Variants in CCNY observed in about 807,000 individuals in gnomAD.
The protein encoded by CCNY is cyclin Y, also known as cyclin-Y.
CCNY carries 19 observed loss-of-function variants against 42.8 expected under a neutral mutation model. That is an observed-to-expected ratio of 0.44 (90% CI 0.31 to 0.65). The LOEUF (loss-of-function observed/expected upper bound fraction) is 0.65. Ranked by LOEUF, CCNY falls within the 30% of genes least tolerant of loss-of-function variation. CCNY has a pLI of 0.07. For missense variants in CCNY, 370 were observed against 437.3 expected (o/e 0.85, Z 1.37); for synonymous variants, 165 against 162.7 (o/e 1.01, Z -0.11).
At chr10:35,306,199 T>C (rs753356561) in intron 3 of CCNY, among the ~76,000 whole-genome samples, 1 of 152,034 alleles carries the variant, frequency 6.6e-6, no homozygotes, top group Non-Finnish European at 1.5e-5. Flanking sequence ...TACACCTGGT[T>C]AATTTTTGGA....
At chr10:35,264,363 C>T (rs2095722751) in intron 3 of CCNY, among the ~76,000 whole-genome samples, 1 of 152,096 alleles carries the variant, frequency 6.6e-6, no homozygotes, top group Non-Finnish European at 1.5e-5. Flanking sequence ...AATGGTATTT[C>T]TGCCTCTAGG....
At chr10:35,375,518 A>G (rs948306567) in intron 1 of CCNY, among the ~76,000 whole-genome samples, 9 of 152,164 alleles carry the variant, frequency 5.9e-5, no homozygotes, top group African/African-American at 2.2e-4. Flanking sequence ...CATTTGCTAT[A>G]TGAGGTAATA....
chr10:35,538,147 A>C (rs1589191306), intron 7 of CCNY, among the ~76,000 whole-genome samples: 1 of 152,110 alleles, frequency 6.6e-6, no homozygotes, highest in African/African-American at 2.4e-5. Flanking sequence ...GTAAGACGTG[A>C]CCTGCTCCTC....
At chr10:35,472,577 A>T (rs1839412020) in intron 1 of CCNY, among the ~76,000 whole-genome samples, 1 of 152,188 alleles carries the variant, frequency 6.6e-6, no homozygotes, top group South Asian at 2.1e-4. Flanking sequence ...AGTACCTAGT[A>T]GATGCTCAGT....
At chr10:35,256,488 C>G (rs1346120710) in intron 3 of CCNY, among the ~76,000 whole-genome samples, 1 of 152,056 alleles carries the variant, frequency 6.6e-6, no homozygotes, top group Non-Finnish European at 1.5e-5. Flanking sequence ...AATTCCAGCA[C>G]TCTGGGGGGT....
rs575511082 is a variant in CCNY, at chr10:35,429,635, A to G, written c.155-53769A>G. Among the ~76,000 whole-genome samples the G allele has an allele frequency of 4.6e-5, 7 of 152,358 alleles. No individual in the cohort carries two copies. The South Asian group carries it at 1.4e-3, about 32-fold the overall frequency. ...TGCTGTGAAAATGGAGTATGCAGGT[A>G]ATGTACTGTAACGTCCCTAGTTCAG... On this transcript the variant is annotated intron_variant, in intron 1 of 9. Transcript: ENST00000374704.
chr10:35,442,531 A>G (rs1223814506), intron 1 of CCNY, among the ~76,000 whole-genome samples: 1 of 152,210 alleles, frequency 6.6e-6, no homozygotes, highest in Non-Finnish European at 1.5e-5. Context: ...ATATTTGAAA[A>G]TAGTTTTTAA....
intron 1 of CCNY, among the ~76,000 whole-genome samples, chr10:35,461,378 G>C (rs919887619): frequency 4.6e-5 from 7 of 152,182 alleles, no homozygotes; most frequent in Admixed American, 4.6e-4. Context: ...AAATTACTAA[G>C]AGGAAACATC....
chr10:35,333,655 A>G (rs1439944156), upstream of CCNY, among the ~76,000 whole-genome samples: 1 of 152,198 alleles, frequency 6.6e-6, no homozygotes, highest in Non-Finnish European at 1.5e-5. Flanking sequence ...CAAAGTGTCT[A>G]TTTATAAAAT....
At chr10:35,292,086 G>C (rs1454791808) in intron 3 of CCNY, among the ~76,000 whole-genome samples, 1 of 152,128 alleles carries the variant, frequency 6.6e-6, no homozygotes. Context: ...ACCTCATTGT[G>C]GATTTGGTTT....
At chr10:35,432,860 G>C (rs1838443377) in intron 1 of CCNY, among the ~76,000 whole-genome samples, 1 of 152,180 alleles carries the variant, frequency 6.6e-6, no homozygotes, top group African/African-American at 2.4e-5. Context: ...GTGCCCCAGG[G>C]CTCAGTGTGT....
At chr10:35,509,071 T>G (rs2135399666) in intron 3 of CCNY, among the ~76,000 whole-genome samples, 1 of 152,324 alleles carries the variant, frequency 6.6e-6, no homozygotes, top group South Asian at 2.1e-4. Context: ...TCATTCCTTT[T>G]TATGGCCAAA....
intron 3 of CCNY, among the ~76,000 whole-genome samples, chr10:35,284,802 A>T (rs993636512): frequency 2.0e-5 from 3 of 151,990 alleles, no homozygotes; most frequent in Admixed American, 6.6e-5. Context: ...ACAAATTTTG[A>T]TATGTTCTAT....
chr10:35,310,042 C>T (rs984311013), intron 3 of CCNY, among the ~76,000 whole-genome samples: 9 of 152,120 alleles, frequency 5.9e-5, no homozygotes, highest in Non-Finnish European at 1.0e-4. Context: ...CCTTCTGATC[C>T]GCCCGCCTCA....
chr10:35,253,057 G>A (rs2095713047), intron 3 of CCNY, among the ~76,000 whole-genome samples: 2 of 152,098 alleles, frequency 1.3e-5, no homozygotes, highest in African/African-American at 4.8e-5. Context: ...AAATTCACGG[G>A]ACTGAACACT....
chr10:35,481,467 T>C (rs974928852), intron 1 of CCNY, among the ~76,000 whole-genome samples: 3 of 152,260 alleles, frequency 2.0e-5, no homozygotes, highest in Non-Finnish European at 2.9e-5. Flanking sequence ...TTGATTGTGG[T>C]GTTCCATAAA....
intron 7 of CCNY, 118 bp from the exon 8 acceptor site, chr10:35,552,900 AT>A: frequency 9.5e-7 from 1 of 1,049,052 alleles, no homozygotes; most frequent in Non-Finnish European, 1.4e-6. Context: ...AATAAATGTG[AT>A]TGGGTAATAA....
chr10:35,318,536 G>C (rs553365043), intron 3 of CCNY, among the ~76,000 whole-genome samples: 8 of 152,298 alleles, frequency 5.3e-5, no homozygotes, highest in Non-Finnish European at 1.0e-4. Context: ...TTATTTTCGA[G>C]GTAGTTGAGT....
chr10:35,306,293 C>G (rs1285239863), intron 3 of CCNY, among the ~76,000 whole-genome samples: 1 of 152,230 alleles, frequency 6.6e-6, no homozygotes, highest in Non-Finnish European at 1.5e-5. Context: ...CCTCAGCCTC[C>G]CAAAGTGCTG....
Sources: gnomAD v4.1 joint callset for allele counts (sites outside exome capture counted in the v4.1 genomes callset) on GRCh38, gnomAD v4.1.1 for gene constraint, MANE v1.5 for transcripts, NCBI Gene and HGNC (gene_info 2026-07-23, HGNC 2026-07-21) for gene names.